The following HMGCS2 variants were observed in gnomAD, a reference collection of about 807,000 sequenced individuals.
HMGCS2 encodes 3-hydroxy-3-methylglutaryl-CoA synthase 2.
HMGCS2 carries 50 observed loss-of-function variants against 57.4 expected under a neutral mutation model. The observed-to-expected ratio is 0.87, with a 90% CI of 0.69 to 1.10. The LOEUF (loss-of-function observed/expected upper bound fraction) is 1.10. HMGCS2 is among the 50% of genes least tolerant of loss of function. The pLI is 0.00. For missense variants in HMGCS2, 627 were observed against 636.5 expected (o/e 0.99, Z 0.16); for synonymous variants, 254 against 245.1 (o/e 1.04, Z -0.34).
chr1:119,757,289 C>G lies in HMGCS2; in HGVS notation c.1000G>C (p.Gly334Arg), dbSNP rs764027082. The G allele has an allele frequency of 8.7e-6, 14 of 1,614,060 alleles. No individual in the cohort carries two copies. The highest frequency in any genetic ancestry group is 1.2e-5 in the Non-Finnish European group (14 of 1,180,034). ...SSDTQTSLYK[G>R]LEAFGGLKLE... Reference sequence around the variant, plus strand: ...AGAACTCACCCGAAAGCCTCCAGCCCCTTATATAAGCTGGTTTGTGTGTCA... The same window carrying G: ...AGAACTCACCCGAAAGCCTCCAGCCGCTTATATAAGCTGGTTTGTGTGTCA... The change falls in exon 5 of 10, where the codon GGG becomes CGG. Residue 334 changes from glycine to arginine, a missense_variant. Transcript: ENST00000369406.
At chr1:119,754,613 A>T (rs587696210) in intron 6 of HMGCS2, among the ~76,000 whole-genome samples, 1 of 127,404 alleles carries the variant, frequency 7.8e-6, no homozygotes, top group Non-Finnish European at 1.8e-5. Context: ...ATTGTTTTAG[A>T]TACTTAATGC....
At chr1:119,768,220 C>A (rs1310461831) in intron 1 of HMGCS2, among the ~76,000 whole-genome samples, 1 of 152,172 alleles carries the variant, frequency 6.6e-6, no homozygotes, top group Non-Finnish European at 1.5e-5. Context: ...AAGGAGTGTG[C>A]ATGTTCTTCT....
In HMGCS2 at chr1:119,764,600, AG is replaced by A; in HGVS notation, c.130del (p.Leu44TrpfsTer64). 1 of 1,614,048 alleles carries A rather than the reference AG, an allele frequency of 6.2e-7. No homozygotes were observed. The highest frequency in any genetic ancestry group is 8.5e-7 in the Non-Finnish European group (1 of 1,179,974). ...QRFSTASAVP[L>X]AKTDTWPKDV... ...CTTTGGCCAAGTATCTGTTTTGGCC[AG>A]GGGGACAGCAGAGGCTGTAGAAAAC... On this transcript the variant is annotated frameshift_variant, in exon 2 of 10. Transcript: ENST00000369406. LOFTEE classifies it high-confidence loss of function.
chr1:119,753,415 A>ACG (rs1652729167), intron 6 of HMGCS2, 29 bp from the exon 7 acceptor site: 1 of 579,982 alleles, frequency 1.7e-6, no homozygotes, highest in African/African-American at 2.4e-5. Flanking sequence ...AATAAAACAC[A>ACG]CACACACACA....
intron 1 of HMGCS2, among the ~76,000 whole-genome samples, chr1:119,767,858 G>T (rs1229549525): frequency 6.6e-6 from 1 of 152,166 alleles, no homozygotes; most frequent in African/African-American, 2.4e-5. Context: ...CACATGCAGG[G>T]TTTGGCAGTG....
intron 9 of HMGCS2, 85 bp downstream of exon 9, chr1:119,750,712 C>T (rs1652625560): frequency 4.7e-6 from 4 of 842,114 alleles, no homozygotes; most frequent in Admixed American, 1.9e-5. Context: ...TCTCCCTGCA[C>T]CTGTCCCCAC....
At chr1:119,766,772 G>A (rs1485916962) in intron 1 of HMGCS2, among the ~76,000 whole-genome samples, 1 of 151,934 alleles carries the variant, frequency 6.6e-6, no homozygotes, top group Non-Finnish European at 1.5e-5. Context: ...AGAAATCAAA[G>A]CTTGCAAGAA....
At chr1:119,764,127 C>G (rs752714084) in intron 2 of HMGCS2, 45 bp downstream of exon 2, 3 of 1,574,336 alleles carry the variant, frequency 1.9e-6, no homozygotes, top group Admixed American at 1.7e-5. Context: ...TATTCAGCCT[C>G]CAATTCCAGC....
intron 6 of HMGCS2, among the ~76,000 whole-genome samples, chr1:119,754,461 A>G (rs754796532): frequency 1.3e-5 from 2 of 152,148 alleles, no homozygotes; most frequent in Non-Finnish European, 2.9e-5. Flanking sequence ...TGAGCCTTCC[A>G]AAGTGCTAGG....
intron 5 of HMGCS2, among the ~76,000 whole-genome samples, chr1:119,756,198 A>G (rs962092748): frequency 5.9e-5 from 9 of 152,198 alleles, no homozygotes; most frequent in African/African-American, 2.2e-4. Context: ...GGGTATTCAC[A>G]TTTTAAAAAG....
Position 119,748,408 on chromosome 1 carries a change from A to G in HMGCS2, c.*439T>C, listed in dbSNP as rs920407273. 1.3e-5 allele frequency: 2 copies of G among 152,234 alleles called. No homozygotes were observed. Among genetic ancestry groups the G allele is most frequent in the East Asian group, 1.9e-4 (1 of 5,206 alleles). 9.4% of individuals were successfully genotyped at this position (152,234 alleles called of 1,614,324 possible). On this transcript the variant is annotated 3_prime_UTR_variant, in exon 10 of 10. Transcript: ENST00000369406. ...CTCTTTCTCTCTTTTTAATTGCTAT[A>G]TATTAGCTTAGAACAAGGTACAAAA...
At chr1:119,759,734 T>A (rs1018920074) in intron 3 of HMGCS2, 130 bp downstream of exon 3, 1 of 1,155,580 alleles carries the variant, frequency 8.7e-7, no homozygotes, top group Non-Finnish European at 1.3e-6. Context: ...GACCAGCCCT[T>A]TTTAGAGGCA....
At chr1:119,766,652 C>A (rs1173309854) in intron 1 of HMGCS2, among the ~76,000 whole-genome samples, 1 of 152,218 alleles carries the variant, frequency 6.6e-6, no homozygotes, top group Admixed American at 6.5e-5. Flanking sequence ...CCCCAGTACC[C>A]GGGAGCTAAT....
At chr1:119,765,594 T>C (rs1653199931) in intron 1 of HMGCS2, among the ~76,000 whole-genome samples, 1 of 152,230 alleles carries the variant, frequency 6.6e-6, no homozygotes, top group South Asian at 2.1e-4. Context: ...CTTATCTTAC[T>C]TTTGGAACAC....
chr1:119,757,674 A>G (rs2101259197), intron 4 of HMGCS2, among the ~76,000 whole-genome samples: 1 of 152,320 alleles, frequency 6.6e-6, no homozygotes, highest in Middle Eastern at 3.4e-3. Flanking sequence ...ACCAGCCTCT[A>G]TGATACTTGG....
chr1:119,752,132 T>C (rs1652680361), intron 8 of HMGCS2, among the ~76,000 whole-genome samples: 2 of 152,232 alleles, frequency 1.3e-5, no homozygotes, highest in Admixed American at 1.3e-4. Flanking sequence ...GGTATGATTT[T>C]AGAAATAAGA....
chr1:119,758,518 G>A (rs993394653), intron 4 of HMGCS2, among the ~76,000 whole-genome samples: 17 of 152,130 alleles, frequency 1.1e-4, no homozygotes, highest in Non-Finnish European at 2.4e-4. Flanking sequence ...GATTACAGGC[G>A]TGAGCCACCA....
chr1:119,754,884 C>G (rs1652784778), intron 6 of HMGCS2, among the ~76,000 whole-genome samples: 1 of 152,222 alleles, frequency 6.6e-6, no homozygotes, highest in Admixed American at 6.5e-5. Flanking sequence ...TTGCCCATCC[C>G]TTGACATCAT....
intron 4 of HMGCS2, 33 bp from the exon 5 acceptor site, chr1:119,757,471 C>T (rs986488292): frequency 1.2e-6 from 2 of 1,614,022 alleles, no homozygotes; most frequent in Non-Finnish European, 1.7e-6. Context: ...AAGGATGGGG[C>T]ATGAGGGGCG....
Sources: allele counts gnomAD v4.1 joint callset (sites outside exome capture counted in the v4.1 genomes callset), GRCh38; gene constraint gnomAD v4.1.1; transcripts MANE v1.5; gene names NCBI Gene and HGNC (gene_info 2026-07-23, HGNC 2026-07-21).